DCP2: variants seen among roughly 807,000 people sequenced by gnomAD.
The protein encoded by DCP2 is m7GpppN-mRNA hydrolase.
DCP2 carries 30 observed loss-of-function variants against 56.1 expected under a neutral mutation model. That is an observed-to-expected ratio of 0.53 (90% CI 0.40 to 0.73). The LOEUF (loss-of-function observed/expected upper bound fraction) is 0.73. Ranked by LOEUF, DCP2 falls within the 30% of genes least tolerant of loss-of-function variation. The probability of loss-of-function intolerance (pLI) is 0.00; values close to 1 mark genes in which losing one functional copy is unlikely to be tolerated. For missense variants in DCP2, 533 were observed against 502.7 expected (o/e 1.06, Z -0.58); for synonymous variants, 197 against 163.3 (o/e 1.21, Z -1.57).
intron 2 of DCP2, among the ~76,000 whole-genome samples, chr5:112,987,271 T>C (rs1748333576): frequency 6.6e-6 from 1 of 152,166 alleles, no homozygotes; most frequent in Non-Finnish European, 1.5e-5. Flanking sequence ...GTGGGGAATG[T>C]GTTTTAGGTA....
intron 4 of DCP2, 97 bp downstream of exon 4, chr5:112,992,867 C>A: frequency 1.2e-6 from 1 of 822,832 alleles, no homozygotes; most frequent in Non-Finnish European, 1.7e-6. Context: ...ACTGTCTTAA[C>A]CCTTTCCAGA....
At chr5:113,000,686 T>C (rs1231871814) in intron 4 of DCP2, among the ~76,000 whole-genome samples, 1 of 152,188 alleles carries the variant, frequency 6.6e-6, no homozygotes, top group African/African-American at 2.4e-5. Flanking sequence ...ACAGCTTGCA[T>C]GAGTCAGTTC....
intron 1 of DCP2, 82 bp from the exon 2 acceptor site, chr5:112,985,753 C>A: frequency 1.3e-6 from 2 of 1,486,514 alleles, no homozygotes; most frequent in South Asian, 2.6e-5. Context: ...GTTGGTGGGT[C>A]AGGTATGAAG....
chr5:112,992,087 A>T, intron 2 of DCP2, 34 bp from the exon 3 acceptor site: 1 of 1,609,068 alleles, frequency 6.2e-7, no homozygotes, highest in South Asian at 1.1e-5. Flanking sequence ...AGCCATATTA[A>T]AGGAGAAAGT....
At chr5:112,993,744 G>A (rs762620414) in intron 4 of DCP2, among the ~76,000 whole-genome samples, 1 of 151,280 alleles carries the variant, frequency 6.6e-6, no homozygotes, top group Non-Finnish European at 1.5e-5. Context: ...TCTAAACCCA[G>A]CTTAAATCCC....
chr5:112,977,931 G>T (rs1326000239), intron 1 of DCP2, among the ~76,000 whole-genome samples: 1 of 151,394 alleles, frequency 6.6e-6, no homozygotes. Flanking sequence ...GGAAAGTAAA[G>T]AACTGGTGTT....
In DCP2 at chr5:113,019,225, CTA is replaced by C. The variant is rs1449802350; in HGVS notation, c.*5743_*5744del. On this transcript the variant is annotated 3_prime_UTR_variant, in exon 11 of 11. Transcript: ENST00000389063. ...TCCTTTTGTGATACTTAGGAAAAGA[CTA>C]TGGATGGCAGCAAATGAAAGTAAAG... 1.3e-5 allele frequency: 2 copies of C among 152,184 alleles called. No homozygotes were observed. The highest frequency in any genetic ancestry group is 2.4e-5 in the African/African-American group (1 of 41,440). 9.4% of individuals were successfully genotyped at this position (152,184 alleles called of 1,614,324 possible).
chr5:112,986,157 TA>T (rs1250716365), intron 2 of DCP2, 171 bp downstream of exon 2: 3 of 570,250 alleles, frequency 5.3e-6, no homozygotes, highest in Middle Eastern at 5.0e-4. Context: ...ATCATATTAA[TA>T]ATCATAATCA....
chr5:113,001,711 T>C (rs1749188602), intron 7 of DCP2, 37 bp downstream of exon 7: 1 of 1,576,176 alleles, frequency 6.3e-7, no homozygotes, highest in East Asian at 2.2e-5. Context: ...GATTTTCTAA[T>C]AGTTTTTAAA....
rs1249377916 is a variant in DCP2, at chr5:112,976,821, T to G, written c.-113T>G. The stretch of plus-strand genomic sequence containing the variant: ...TTCTCGTCTCCGTTGGAGTCGTCTC[T>G]GCCGCGGCTTCCTCGGCTGCCAGCT... On this transcript the variant is annotated 5_prime_UTR_variant, in exon 1 of 11. Coordinates refer to ENST00000389063, the MANE Select transcript of DCP2 (RefSeq NM_152624.6). 3.7e-6 allele frequency: 4 copies of G among 1,088,728 alleles called. No homozygotes were observed. In the East Asian group the frequency reaches 7.1e-5, roughly 19 times the overall value. 67.4% of individuals were successfully genotyped at this position (1,088,728 alleles called of 1,614,324 possible). A position where few individuals can be genotyped will look rare whatever the true frequency, so the allele number is the denominator to read the frequency against.
At chr5:112,998,162 C>G (rs1748952479) in intron 4 of DCP2, among the ~76,000 whole-genome samples, 1 of 152,286 alleles carries the variant, frequency 6.6e-6, no homozygotes, top group East Asian at 1.9e-4. Flanking sequence ...TCTGTTTTAT[C>G]ACTTTTAGAA....
chr5:112,983,685 C>T (rs1410132887), intron 1 of DCP2, among the ~76,000 whole-genome samples: 1 of 151,974 alleles, frequency 6.6e-6, no homozygotes. Flanking sequence ...ATATTAGAAG[C>T]ATCCAGACTG....
At chr5:112,987,902 T>C (rs554154277) in intron 2 of DCP2, among the ~76,000 whole-genome samples, 20 of 152,062 alleles carry the variant, frequency 1.3e-4, no homozygotes, top group Non-Finnish European at 2.6e-4. Context: ...TAGCTGGGAT[T>C]ATAGGTGCTA....
At chr5:113,002,399 G>A (rs1212460588) in intron 7 of DCP2, among the ~76,000 whole-genome samples, 1 of 151,084 alleles carries the variant, frequency 6.6e-6, no homozygotes, top group Non-Finnish European at 1.5e-5. Context: ...CTCCAGCCTG[G>A]GTGACAGAGT....
intron 9 of DCP2, chr5:113,008,248 G>T (rs1749532019): frequency 4.7e-6 from 2 of 425,486 alleles, no homozygotes; most frequent in Non-Finnish European, 8.4e-6. Context: ...TGATGCAATT[G>T]TACATCTAAT....
In DCP2 at chr5:113,005,632, C is replaced by A. The variant is rs1311143617; in HGVS notation, c.942+1555C>A. Among the ~76,000 whole-genome samples the A allele has an allele frequency of 2.0e-5, 3 of 152,178 alleles. No homozygotes were observed. In the South Asian group the frequency reaches 6.2e-4, roughly 31 times the overall value. Reference sequence around the variant, plus strand: ...ACAGTTAAACAGAGTTACCATGTGACTCAGCAATTCCATTCCTAGGTAATA... The same window carrying A: ...ACAGTTAAACAGAGTTACCATGTGAATCAGCAATTCCATTCCTAGGTAATA... On this transcript the variant is annotated intron_variant, in intron 8 of 10. Coordinates refer to ENST00000389063, the MANE Select transcript of DCP2 (RefSeq NM_152624.6).
chr5:112,984,699 A>ATATATATATATATATATATATATAT (rs377520502), intron 1 of DCP2: 34 of 78,448 alleles, frequency 4.3e-4, no homozygotes, highest in Middle Eastern at 6.8e-3. Flanking sequence ...AAAAAAAAAA[A>ATATATATATATATATATATATATAT]AAAAATATAT....
chr5:113,008,211 C>G, intron 9 of DCP2, 169 bp downstream of exon 9: 1 of 522,226 alleles, frequency 1.9e-6, no homozygotes, highest in Non-Finnish European at 3.4e-6. Flanking sequence ...AAATCTCTGG[C>G]TGCTCTTAAT....
At chr5:112,982,960 G>A (rs1295065340) in intron 1 of DCP2, among the ~76,000 whole-genome samples, 2 of 152,106 alleles carry the variant, frequency 1.3e-5, no homozygotes, top group East Asian at 3.9e-4. Flanking sequence ...TAGGGAGCTG[G>A]CTCTTACACT....
Sources: allele counts gnomAD v4.1 joint callset (sites outside exome capture counted in the v4.1 genomes callset), GRCh38; gene constraint gnomAD v4.1.1; transcripts MANE v1.5; gene names NCBI Gene and HGNC (gene_info 2026-07-23, HGNC 2026-07-21).